Variants in TMEM65 observed in about 807,000 individuals in gnomAD.
The protein encoded by TMEM65 is transmembrane protein 65.
Under a neutral mutation model 25.4 loss-of-function variants are expected in TMEM65, and 22 were observed. The observed-to-expected ratio is 0.86, with a 90% CI of 0.62 to 1.23. The LOEUF (loss-of-function observed/expected upper bound fraction) is 1.23. TMEM65 is among the 50% of genes most tolerant of loss of function. The pLI is 0.00. For missense variants in TMEM65, 262 were observed against 308.2 expected, an observed-to-expected ratio of 0.85 and a Z score of 1.12; for synonymous variants, 132 against 126.2, an observed-to-expected ratio of 1.05 and a Z score of -0.31.
At chr8:124,333,961 C>T (rs1814470067) in intron 1 of TMEM65, among the ~76,000 whole-genome samples, 1 of 152,138 alleles carries the variant, frequency 6.6e-6, no homozygotes, top group Non-Finnish European at 1.5e-5. Flanking sequence ...AGGAAGAGTC[C>T]TAAATTCTGT....
chr8:124,341,086 T>A (rs1814578476), intron 1 of TMEM65, among the ~76,000 whole-genome samples: 1 of 151,944 alleles, frequency 6.6e-6, no homozygotes, highest in Non-Finnish European at 1.5e-5. Flanking sequence ...CTAATTAATA[T>A]ATATACTAAA....
chr8:124,325,136 A>G (rs2131199741), intron 3 of TMEM65, among the ~76,000 whole-genome samples: 1 of 152,090 alleles, frequency 6.6e-6, no homozygotes, highest in African/African-American at 2.4e-5. Flanking sequence ...TGTTTTTACG[A>G]CTACAACTAG....
chr8:124,346,210 G>A (rs1029867915), intron 1 of TMEM65, among the ~76,000 whole-genome samples: 1 of 152,168 alleles, frequency 6.6e-6, no homozygotes, highest in African/African-American at 2.4e-5. Flanking sequence ...CAGATCTCGT[G>A]AGAACTTCCT....
intron 1 of TMEM65, among the ~76,000 whole-genome samples, chr8:124,348,478 A>G (rs973521412): frequency 4.6e-5 from 7 of 152,168 alleles, no homozygotes; most frequent in Non-Finnish European, 8.8e-5. Context: ...TTAAAACAAT[A>G]GTACAACTTA....
At chr8:124,346,009 T>C (rs936766622) in intron 1 of TMEM65, among the ~76,000 whole-genome samples, 2 of 152,180 alleles carry the variant, frequency 1.3e-5, no homozygotes, top group Non-Finnish European at 2.9e-5. Context: ...CCTCCCATAG[T>C]GCTGGGATTA....
intron 3 of TMEM65, among the ~76,000 whole-genome samples, chr8:124,324,245 G>A (rs964353531): frequency 6.6e-6 from 1 of 151,984 alleles, no homozygotes; most frequent in African/African-American, 2.4e-5. Flanking sequence ...AAAACGCCCT[G>A]TATTTTACGT....
chr8:124,337,380 C>T (rs1334073024), intron 1 of TMEM65, among the ~76,000 whole-genome samples: 1 of 151,880 alleles, frequency 6.6e-6, no homozygotes, highest in African/African-American at 2.4e-5. Context: ...AACAAAAAGC[C>T]TTAATGGCAT....
At position 124,366,199 on chromosome 8, in the gene TMEM65, G is replaced by A. The variant is rs529592070; in HGVS notation, c.304+5655C>T. Among the ~76,000 whole-genome samples the A allele has an allele frequency of 7.9e-5, 12 of 152,382 alleles. No homozygotes were observed. The East Asian group carries it at 2.1e-3, about 27-fold the overall frequency. ...ATCACACCACTGCACTCCAGACTGA[G>A]TGACAGCACGAGACTCCGTCTCAAA... On this transcript the variant is annotated intron_variant, in intron 1 of 6. Transcript: ENST00000297632.
chr8:124,360,831 C>T (rs1198747330), intron 1 of TMEM65, among the ~76,000 whole-genome samples: 1 of 152,100 alleles, frequency 6.6e-6, no homozygotes, highest in African/African-American at 2.4e-5. Context: ...ATTTAAAAGC[C>T]AGCAAATGAA....
chr8:124,326,536 A>T (rs1209389840), intron 3 of TMEM65, among the ~76,000 whole-genome samples: 1 of 152,040 alleles, frequency 6.6e-6, no homozygotes, highest in Non-Finnish European at 1.5e-5. Context: ...AAACTACTAA[A>T]ATCTGAGTTG....
rs991129928 is a variant in TMEM65 at position 124,307,302 on chromosome 8, C to A, written c.*6658G>T. 5.3e-5 allele frequency: 8 copies of A among 152,148 alleles called. No individual in the cohort carries two copies. The highest frequency in any genetic ancestry group is 8.8e-5 in the Non-Finnish European group (6 of 68,028). 9.4% of individuals were successfully genotyped at this position (152,148 alleles called of 1,614,324 possible). ...AACCTTGCAATAATACCAAGGGACC[C>A]ATATGAAGTCCCGCTAGTGACGCTG... On this transcript the variant is annotated 3_prime_UTR_variant, in exon 7 of 7. Coordinates refer to ENST00000297632, the MANE Select transcript of TMEM65 (RefSeq NM_194291.3).
Position 124,312,890 on chromosome 8 carries a change from C to G in TMEM65, c.*1070G>C, listed in dbSNP as rs1814181457. 6.6e-6 allele frequency: 1 copy of G among 151,004 alleles called. No individual in the cohort carries two copies. The highest frequency in any genetic ancestry group is 1.5e-5 in the Non-Finnish European group (1 of 67,680). 9.4% of individuals were successfully genotyped at this position (151,004 alleles called of 1,614,324 possible). A position where few individuals can be genotyped will look rare whatever the true frequency, so the allele number is the denominator to read the frequency against. On this transcript the variant is annotated 3_prime_UTR_variant, in exon 7 of 7. Coordinates refer to ENST00000297632, the MANE Select transcript of TMEM65 (RefSeq NM_194291.3). ...AGAAATTATTCATAAATAAAATTCA[C>G]TAAATAAGATATAATGAGATTAGGA... is the stretch of plus-strand genomic sequence containing the variant.
At position 124,309,493 on chromosome 8, in the gene TMEM65, A is replaced by G. The variant is rs986186963; in HGVS notation, c.*4467T>C. ...ACTCTTTAGGCTTAATGCAGTTATT[A>G]GTAATATGAAACAAAAAGAAAACAT... On this transcript the variant is annotated 3_prime_UTR_variant, in exon 7 of 7. Transcript: ENST00000297632. The G allele has an allele frequency of 1.3e-5, 2 of 152,264 alleles. No homozygotes were observed. The highest frequency in any genetic ancestry group is 2.4e-5 in the African/African-American group (1 of 41,464). 9.4% of individuals were successfully genotyped at this position (152,264 alleles called of 1,614,324 possible).
chr8:124,314,952 C>T (rs1484259050), intron 6 of TMEM65, among the ~76,000 whole-genome samples: 1 of 152,024 alleles, frequency 6.6e-6, no homozygotes. Flanking sequence ...ATTACAGGCT[C>T]TGGGAGCCAC....
rs189799139 is a variant in TMEM65, at chr8:124,306,210, T to C, written c.*7750A>G. The C allele has an allele frequency of 2.0e-5, 3 of 152,348 alleles. No individual in the cohort carries two copies. The highest frequency in any genetic ancestry group is 3.4e-3 in the Middle Eastern group (1 of 294). 9.4% of individuals were successfully genotyped at this position (152,348 alleles called of 1,614,324 possible). On this transcript the variant is annotated 3_prime_UTR_variant, in exon 7 of 7. Transcript: ENST00000297632. ...TAGCTCCATTAACCCAACACAAGTT[T>C]ATTTACTAAGTCAAGTCAAACTGAG...
chr8:124,352,024 T>C (rs1408593702), intron 1 of TMEM65, among the ~76,000 whole-genome samples: 1 of 152,242 alleles, frequency 6.6e-6, no homozygotes, highest in African/African-American at 2.4e-5. Flanking sequence ...CATGCTTTGC[T>C]GTCTCTGTGT....
chr8:124,343,276 T>C (rs1280678587), intron 1 of TMEM65, among the ~76,000 whole-genome samples: 1 of 152,128 alleles, frequency 6.6e-6, no homozygotes, highest in Non-Finnish European at 1.5e-5. Flanking sequence ...TATATAACAG[T>C]TACTGGAAGT....
intron 1 of TMEM65, among the ~76,000 whole-genome samples, chr8:124,337,410 G>A (rs925163131): frequency 6.6e-5 from 10 of 151,992 alleles, no homozygotes; most frequent in Non-Finnish European, 7.4e-5. Context: ...TCTGCTTTCC[G>A]AAGTATAAGA....
At chr8:124,369,863 T>C (rs1333101201) in intron 1 of TMEM65, among the ~76,000 whole-genome samples, 1 of 152,214 alleles carries the variant, frequency 6.6e-6, no homozygotes, top group South Asian at 2.1e-4. Context: ...ATTTGATTCA[T>C]AGGACAATCA....
Sources: gnomAD v4.1 joint callset for allele counts (sites outside exome capture counted in the v4.1 genomes callset) on GRCh38, gnomAD v4.1.1 for gene constraint, MANE v1.5 for transcripts, NCBI Gene and HGNC (gene_info 2026-07-23, HGNC 2026-07-21) for gene names.